TMEM132B: variants seen among roughly 807,000 people sequenced by gnomAD.
The protein encoded by TMEM132B is transmembrane protein 132B.
In TMEM132B, 18 loss-of-function variants were observed where a neutral mutation model predicts 90.8. That is an observed-to-expected ratio of 0.20 (90% CI 0.14 to 0.29). The LOEUF is 0.29. Among genes scored for constraint, TMEM132B ranks in the 10% least tolerant of loss-of-function variants. The probability of loss-of-function intolerance (pLI) is 1.00; values close to 1 mark genes in which losing one functional copy is unlikely to be tolerated. For synonymous variants in TMEM132B, 504 were observed against 523.3 expected, an observed-to-expected ratio of 0.96 and a Z score of 0.50; for missense variants, 1,096 against 1,326.8, an observed-to-expected ratio of 0.83 and a Z score of 2.70.
chr12:125,601,395 CAAG>C (rs1192263824), intron 5 of TMEM132B, among the ~76,000 whole-genome samples: 2 of 152,066 alleles, frequency 1.3e-5, no homozygotes, highest in African/African-American at 2.4e-5. Flanking sequence ...AGATAGAAAT[CAAG>C]AAGTTTTTTG....
At chr12:125,457,882 C>T (rs1245155456) in intron 3 of TMEM132B, among the ~76,000 whole-genome samples, 1 of 152,138 alleles carries the variant, frequency 6.6e-6, no homozygotes, top group Non-Finnish European at 1.5e-5. Flanking sequence ...GTGATGGGAG[C>T]AGCAGGAGCT....
chr12:125,514,206 C>G (rs1328830749), intron 3 of TMEM132B, among the ~76,000 whole-genome samples: 1 of 152,160 alleles, frequency 6.6e-6, no homozygotes, highest in Admixed American at 6.5e-5. Context: ...ACACGCCCCC[C>G]ACCCCCAACG....
intron 2 of TMEM132B, among the ~76,000 whole-genome samples, chr12:125,399,439 T>C (rs1879248680): frequency 6.6e-6 from 1 of 151,128 alleles, no homozygotes; most frequent in African/African-American, 2.4e-5. Context: ...CTTGTTGCTG[T>C]GGAAGATGTG....
chr12:125,211,131 GA>G (rs1873309409), intron 1 of TMEM132B, among the ~76,000 whole-genome samples: 1 of 152,034 alleles, frequency 6.6e-6, no homozygotes, highest in Non-Finnish European at 1.5e-5. Context: ...GAGTATGAAA[GA>G]AAGAGGGGAG....
At chr12:125,494,860 GCCCCTCCTC>G (rs1882499284) in intron 3 of TMEM132B, among the ~76,000 whole-genome samples, 1 of 29,348 alleles carries the variant, frequency 3.4e-5, no homozygotes, top group Non-Finnish European at 6.0e-5. Context: ...AAATGGCCAC[GCCCCTCCTC>G]CCCCTCCTCC....
intron 2 of TMEM132B, among the ~76,000 whole-genome samples, chr12:125,394,758 A>C (rs746233514): frequency 6.6e-6 from 1 of 152,172 alleles, no homozygotes; most frequent in Non-Finnish European, 1.5e-5. Context: ...CATAATATGG[A>C]GGCCATTATC....
intron 1 of TMEM132B, among the ~76,000 whole-genome samples, chr12:125,231,816 T>A (rs2044601317): frequency 6.6e-6 from 1 of 151,898 alleles, no homozygotes; most frequent in Admixed American, 6.6e-5. Context: ...ATTAATACTT[T>A]AAAAAAATGC....
At chr12:125,335,366 C>T (rs550887423) in intron 1 of TMEM132B, among the ~76,000 whole-genome samples, 1 of 152,312 alleles carries the variant, frequency 6.6e-6, no homozygotes, top group Non-Finnish European at 1.5e-5. Flanking sequence ...GAACCACCCC[C>T]ACCTCTCCTA....
At chr12:125,395,617 A>T (rs1412983672) in intron 2 of TMEM132B, among the ~76,000 whole-genome samples, 1 of 152,160 alleles carries the variant, frequency 6.6e-6, no homozygotes, top group Non-Finnish European at 1.5e-5. Context: ...AGAGGGTTTT[A>T]TCTGGTCCTC....
rs1380872475 is a variant in TMEM132B at position 125,653,957 on chromosome 12, C to A, written c.2499C>A (p.Val833=). ...GCGAAGGAAACCAGGAGAGAGCAGT[C>A]CAGGAATGGTTCCACCGTGGCACAC... is the stretch of plus-strand genomic sequence containing the variant. ...IEREGNQERA[V]QEWFHRGTPV... Residue 833 remains valine (V), a synonymous_variant, in exon 9 of 9, where the codon GTC becomes GTA. Coordinates refer to ENST00000682704, the MANE Select transcript of TMEM132B (RefSeq NM_001366854.1). The A allele has an allele frequency of 6.2e-7, 1 of 1,614,150 alleles. No individual in the cohort carries two copies. The highest frequency in any genetic ancestry group is 2.2e-5 in the East Asian group (1 of 44,876).
At chr12:125,611,398 A>T (rs1230142311) in intron 5 of TMEM132B, among the ~76,000 whole-genome samples, 1 of 151,760 alleles carries the variant, frequency 6.6e-6, no homozygotes, top group Non-Finnish European at 1.5e-5. Flanking sequence ...TCTATGATAT[A>T]TTTCATTAAT....
chr12:125,613,482 A>G (rs1212040729), intron 5 of TMEM132B, among the ~76,000 whole-genome samples: 3 of 151,562 alleles, frequency 2.0e-5, no homozygotes, highest in Non-Finnish European at 1.5e-5. Flanking sequence ...TACATTTTCT[A>G]CTTTACTCTG....
intron 5 of TMEM132B, among the ~76,000 whole-genome samples, chr12:125,643,230 T>G (rs538639429): frequency 6.6e-6 from 1 of 152,344 alleles, no homozygotes; most frequent in Admixed American, 6.5e-5. Flanking sequence ...CAGCACAGGC[T>G]TGACACTGCC....
At chr12:125,584,872 T>A (rs1257017516) in intron 5 of TMEM132B, 2 of 152,222 alleles carry the variant, frequency 1.3e-5, no homozygotes, top group African/African-American at 4.8e-5. Context: ...CTTCCTCCTT[T>A]AAATTATTAA....
At chr12:125,478,639 T>C (rs1415362768) in intron 3 of TMEM132B, among the ~76,000 whole-genome samples, 7 of 152,184 alleles carry the variant, frequency 4.6e-5, no homozygotes, top group Admixed American at 4.6e-4. Context: ...GTCTGATTCG[T>C]GTATCTGAAA....
At chr12:125,429,348 C>T (rs1566033606) in intron 3 of TMEM132B, among the ~76,000 whole-genome samples, 1 of 144,030 alleles carries the variant, frequency 6.9e-6, no homozygotes, top group Non-Finnish European at 1.5e-5. Flanking sequence ...TACAGGCATG[C>T]ACCACCATGC....
intron 5 of TMEM132B, among the ~76,000 whole-genome samples, chr12:125,609,707 C>T (rs1885778412): frequency 6.7e-6 from 1 of 148,608 alleles, no homozygotes; most frequent in Admixed American, 6.9e-5. Context: ...GTCCCAGCCA[C>T]TTGGGAGGCT....
At chr12:125,563,025 A>C (rs972111573) in intron 4 of TMEM132B, among the ~76,000 whole-genome samples, 29 of 152,014 alleles carry the variant, frequency 1.9e-4, no homozygotes, top group Non-Finnish European at 4.1e-4. Flanking sequence ...ATGGCTGGTC[A>C]GTGGAGCAGT....
chr12:125,243,010 C>CATATATATATAT lies in TMEM132B; in HGVS notation c.67+56156_67+56167dup, dbSNP rs763167605. Among the ~76,000 whole-genome samples the CATATATATATAT allele has an allele frequency of 8.8e-3, 965 of 109,190 alleles. 12 individuals are homozygous for CATATATATATAT. The highest frequency in any genetic ancestry group is 0.025 in the African/African-American group (666 of 27,166). 71.6% of individuals were successfully genotyped at this position (109,190 alleles called of 152,430 possible). On this transcript the variant is annotated intron_variant, in intron 1 of 8. Transcript: ENST00000682704. ...TCTTTTCTCTTTCTCTCTCTTTCTTCATATATATATATATATATATATACA... is the reference window on the plus strand; with the variant it reads ...TCTTTTCTCTTTCTCTCTCTTTCTTCATATATATATATATATATATATATATATATATATACA...
Sources: gnomAD v4.1 joint callset for allele counts (sites outside exome capture counted in the v4.1 genomes callset) on GRCh38, gnomAD v4.1.1 for gene constraint, MANE v1.5 for transcripts, NCBI Gene and HGNC (gene_info 2026-07-23, HGNC 2026-07-21) for gene names.